LRRC9: variants seen among roughly 807,000 people sequenced by gnomAD.
LRRC9 encodes the protein leucine rich repeat containing 9, also known as leucine-rich repeat-containing protein 9.
LRRC9 carries 122 observed loss-of-function variants against 63.2 expected under a neutral mutation model. The observed-to-expected ratio is 1.93, with a 90% CI of 1.67 to 2.24. LRRC9 has a LOEUF of 2.24. Ranked by LOEUF, LRRC9 falls within the 30% of genes most tolerant of loss-of-function variation. LRRC9 has a pLI of 0.00. For missense variants in LRRC9, 1,071 were observed against 627.7 expected (o/e 1.71, Z -7.55); for synonymous variants, 366 against 213.1 (o/e 1.72, Z -6.25).
chr14:59,985,041 C>G (rs1887314971), intron 16 of LRRC9, 64 bp from the exon 17 acceptor site: 1 of 496,718 alleles, frequency 2.0e-6, no homozygotes, highest in African/African-American at 1.9e-5. Context: ...TACATATCCA[C>G]ACTTCAGTTT....
chr14:59,951,602 TTC>T (rs1883126291), intron 8 of LRRC9, among the ~76,000 whole-genome samples: 1 of 146,998 alleles, frequency 6.8e-6, no homozygotes, highest in African/African-American at 2.5e-5. Context: ...AGTTTTTCTG[TTC>T]TGTTTTTTCC....
intron 31 of LRRC9, among the ~76,000 whole-genome samples, chr14:60,061,235 C>T (rs942183123): frequency 6.6e-6 from 1 of 152,122 alleles, no homozygotes; most frequent in Non-Finnish European, 1.5e-5. Flanking sequence ...TCATGTTGTA[C>T]ACAGAAATCT....
At chr14:59,934,528 T>G (rs1429045830) in intron 6 of LRRC9, among the ~76,000 whole-genome samples, 3 of 152,072 alleles carry the variant, frequency 2.0e-5, no homozygotes, top group Non-Finnish European at 4.4e-5. Context: ...CTACCAACAT[T>G]GAGACCATCA....
At chr14:60,041,465 T>C (rs1174711206) in intron 29 of LRRC9, among the ~76,000 whole-genome samples, 1 of 152,178 alleles carries the variant, frequency 6.6e-6, no homozygotes, top group African/African-American at 2.4e-5. Flanking sequence ...TTTTTTACTC[T>C]AAACTTCTCA....
At chr14:60,038,016 A>G (rs1320101189) in intron 29 of LRRC9, among the ~76,000 whole-genome samples, 1 of 152,184 alleles carries the variant, frequency 6.6e-6, no homozygotes, top group Non-Finnish European at 1.5e-5. Context: ...CATTTATTAA[A>G]TAGGGAATCC....
Position 59,942,649 on chromosome 14 carries a change from AC to A in LRRC9, c.727-1937del. Among the ~76,000 whole-genome samples the A allele has an allele frequency of 2.0e-5, 3 of 152,158 alleles. No homozygotes were observed. The Middle Eastern group carries it at 0.01, about 518-fold the overall frequency. ...AGGCTGAGGCAGGAGAATCACTTGAACCCAGAAGGCAGAAGTTGCGGTGAGC... is the reference window on the plus strand; with the variant it reads ...AGGCTGAGGCAGGAGAATCACTTGAACCAGAAGGCAGAAGTTGCGGTGAGC... On this transcript the variant is annotated intron_variant, in intron 7 of 31. Coordinates refer to ENST00000445360, the Ensembl canonical transcript of LRRC9. This position sits in a 1 kb window ranked among gnomAD's most constrained non-coding sequence, Gnocchi z 5.3.
chr14:59,980,901 ATCC>A (rs1886857744), intron 15 of LRRC9, among the ~76,000 whole-genome samples: 2 of 152,186 alleles, frequency 1.3e-5, no homozygotes, highest in African/African-American at 2.4e-5. Context: ...TGGTTCCATC[ATCC>A]TCCTGCTTGC....
chr14:59,921,407 G>A (rs557163338), intron 1 of LRRC9, among the ~76,000 whole-genome samples: 5 of 152,276 alleles, frequency 3.3e-5, no homozygotes, highest in African/African-American at 1.2e-4. Flanking sequence ...ATCAAGTTAA[G>A]GGGAGGTGAT....
intron 23 of LRRC9, among the ~76,000 whole-genome samples, chr14:60,015,192 C>A (rs555980338): frequency 1.3e-5 from 2 of 151,900 alleles, no homozygotes; most frequent in East Asian, 3.9e-4. Flanking sequence ...CTGTTTTTTT[C>A]ATTTGTTTCA....
chr14:59,928,656 T>C (rs1889417650), intron 3 of LRRC9, among the ~76,000 whole-genome samples, 170 bp downstream of exon 3: 1 of 151,944 alleles, frequency 6.6e-6, no homozygotes, highest in African/African-American at 2.4e-5. Flanking sequence ...AATTAGAACA[T>C]AAACATATTC....
chr14:59,989,552 T>C (rs1324418486), intron 17 of LRRC9, among the ~76,000 whole-genome samples: 2 of 152,158 alleles, frequency 1.3e-5, no homozygotes, highest in Non-Finnish European at 2.9e-5. Context: ...CAGATTTATA[T>C]TGTTATTTTA....
At chr14:60,005,713 C>T (rs1418269853) in intron 21 of LRRC9, among the ~76,000 whole-genome samples, 4 of 151,984 alleles carry the variant, frequency 2.6e-5, no homozygotes, top group African/African-American at 4.8e-5. Context: ...TTTTAGTATG[C>T]CCGTTTTATG....
intron 28 of LRRC9, among the ~76,000 whole-genome samples, chr14:60,030,920 A>C (rs994136202): frequency 5.3e-5 from 8 of 152,090 alleles, no homozygotes; most frequent in South Asian, 2.1e-4. Context: ...TCTCTTTAAA[A>C]GTTTATGCCA....
chr14:59,993,469 A>G (rs558217729), intron 17 of LRRC9, among the ~76,000 whole-genome samples: 1 of 152,090 alleles, frequency 6.6e-6, no homozygotes, highest in Non-Finnish European at 1.5e-5. Flanking sequence ...ACAATATTAA[A>G]CTTAAATGTA....
In LRRC9 at chr14:59,936,542, G is replaced by C. The variant is rs982845945; in HGVS notation, c.544-1848G>C. ...ACCTGAATTTGGAATGTAGTTGGGG[G>C]ATTTCTGTGTAGGACTTCAGAGTTT... On this transcript the variant is annotated intron_variant, in intron 6 of 31. Coordinates refer to ENST00000445360, the Ensembl canonical transcript of LRRC9. This position sits in a 1 kb window ranked among gnomAD's most constrained non-coding sequence, Gnocchi z 4.2. Among the ~76,000 whole-genome samples, 6 of 152,164 alleles carry C rather than the reference G, an allele frequency of 3.9e-5. No homozygotes were observed. Among genetic ancestry groups the C allele is most frequent in the African/African-American group, 1.2e-4 (5 of 41,458 alleles).
chr14:60,044,862 T>C (rs1893273918), intron 29 of LRRC9, among the ~76,000 whole-genome samples: 1 of 152,186 alleles, frequency 6.6e-6, no homozygotes, highest in African/African-American at 2.4e-5. Context: ...CTGGATGATC[T>C]GTTCATGACT....
chr14:59,995,690 T>C (rs1161929165), intron 17 of LRRC9, among the ~76,000 whole-genome samples: 1 of 151,740 alleles, frequency 6.6e-6, no homozygotes, highest in Non-Finnish European at 1.5e-5. Context: ...GAAATAAAGA[T>C]TCCCCCCCTG....
chr14:60,034,124 A>AATTCTT (rs1892232020), intron 29 of LRRC9, among the ~76,000 whole-genome samples: 1 of 146,684 alleles, frequency 6.8e-6, no homozygotes, highest in Non-Finnish European at 1.5e-5. Context: ...GGGTTCAAGC[A>AATTCTT]ATTCTTCCTC....
intron 31 of LRRC9, 26 bp from the exon 33 acceptor site, chr14:60,063,297 G>T: frequency 1.4e-6 from 1 of 698,174 alleles, no homozygotes; most frequent in South Asian, 1.5e-5. Context: ...ACCACTATTT[G>T]ACTAATTAAA....
Sources: allele counts gnomAD v4.1 joint callset (sites outside exome capture counted in the v4.1 genomes callset), GRCh38; gene constraint gnomAD v4.1.1; non-coding constraint Gnocchi (gnomAD v3.1); transcripts MANE v1.5; gene names NCBI Gene and HGNC (gene_info 2026-07-23, HGNC 2026-07-21).